Variants in SMU1 observed in about 807,000 individuals in gnomAD.
SMU1 encodes WD40 repeat-containing protein SMU1.
SMU1 carries 2 observed loss-of-function variants against 62.0 expected under a neutral mutation model. The ratio of observed to expected loss-of-function variants is 0.03; its 90% CI spans 0.01 to 0.10. The LOEUF is 0.10. SMU1 is among the 10% of genes least tolerant of loss of function. SMU1 has a pLI of 1.00. For synonymous variants in SMU1, 188 were observed against 212.4 expected (o/e 0.89, Z 1.00); for missense variants, 227 against 622.1 (o/e 0.36, Z 6.76).
chr9:33,045,239 T>A lies in SMU1; in HGVS notation c.*2054A>T, dbSNP rs1360853708. 2 of 152,218 alleles carry A rather than the reference T, an allele frequency of 1.3e-5. No homozygotes were observed. The highest frequency in any genetic ancestry group is 2.9e-5 in the Non-Finnish European group (2 of 68,040). 9.4% of individuals were successfully genotyped at this position (152,218 alleles called of 1,614,324 possible). ...GACTTTTCTAAAAATTTTTTTAGCATAAACTGTTTCCTCTAACTTAAACTT... is the reference window on the plus strand; with the variant it reads ...GACTTTTCTAAAAATTTTTTTAGCAAAAACTGTTTCCTCTAACTTAAACTT... On this transcript the variant is annotated 3_prime_UTR_variant, in exon 12 of 12. Transcript: ENST00000397149.
rs772979385 is a variant in SMU1, at chr9:33,076,624, G to A, written c.-16C>T. 1.3e-5 allele frequency: 21 copies of A among 1,613,854 alleles called. No homozygotes were observed. The highest frequency in any genetic ancestry group is 1.6e-4 in the Middle Eastern group (1 of 6,062). ...CGATCGACATAGCCGTATCTCTCCG[G>A]GAGCAGGCCCCAGCTCTCCCTCAAG... On this transcript the variant is annotated 5_prime_UTR_variant, in exon 1 of 12. Coordinates refer to ENST00000397149, the MANE Select transcript of SMU1 (RefSeq NM_018225.3).
At chr9:33,062,314 T>C in intron 4 of SMU1, 137 bp from the exon 5 acceptor site, 1 of 1,130,522 alleles carries the variant, frequency 8.8e-7, no homozygotes, top group Non-Finnish European at 1.2e-6. Flanking sequence ...TTTTTGGCCA[T>C]CCAAACATAA....
Position 33,057,010 on chromosome 9 carries a change from T to A in SMU1, c.868-46A>T, listed in dbSNP as rs111582564. On this transcript the variant is annotated intron_variant, in intron 7 of 11. Transcript: ENST00000397149. ...AGAATTAAAAAAACCTTGTTAAGTG[T>A]CCTACTATTAATAGCCCACAGAGCC... 52 of 1,582,582 alleles carry A rather than the reference T, an allele frequency of 3.3e-5. No individual in the cohort carries two copies. The African/African-American group carries it at 3.6e-4, about 11-fold the overall frequency.
intron 3 of SMU1, among the ~76,000 whole-genome samples, chr9:33,070,720 T>A (rs1474009380): frequency 1.3e-5 from 2 of 152,168 alleles, no homozygotes. Flanking sequence ...ATCCTGTCAT[T>A]TGCAACAACA....
chr9:33,075,376 C>CAA (rs540489141), intron 1 of SMU1, among the ~76,000 whole-genome samples: 2 of 136,942 alleles, frequency 1.5e-5, no homozygotes, highest in African/African-American at 5.3e-5. Flanking sequence ...GACTCCGTCT[C>CAA]AAAAAAAAAA....
intron 3 of SMU1, 56 bp from the exon 4 acceptor site, chr9:33,068,990 G>T: frequency 6.3e-7 from 1 of 1,578,820 alleles, no homozygotes. Flanking sequence ...AGATATGAGT[G>T]TGCTTATTTA....
chr9:33,057,009 G>A, intron 7 of SMU1, 45 bp from the exon 8 acceptor site: 1 of 1,580,114 alleles, frequency 6.3e-7, no homozygotes, highest in South Asian at 1.2e-5. Flanking sequence ...CTTGTTAAGT[G>A]TCCTACTATT....
At chr9:33,066,691 A>T (rs1343394578) in intron 4 of SMU1, among the ~76,000 whole-genome samples, 1 of 152,042 alleles carries the variant, frequency 6.6e-6, no homozygotes, top group Non-Finnish European at 1.5e-5. Context: ...CTGTGGTCCC[A>T]GCTACTCGGG....
At chr9:33,051,118 C>A in intron 10 of SMU1, among the ~76,000 whole-genome samples, 1 of 60,832 alleles carries the variant, frequency 1.6e-5, no homozygotes, top group South Asian at 3.3e-4. Context: ...GAGACTCTGT[C>A]TCAAAAAAAA....
At chr9:33,058,463 C>T (rs78249672) in intron 6 of SMU1, among the ~76,000 whole-genome samples, 6,131 of 152,114 alleles carry the variant, frequency 0.04, 193 homozygotes, top group East Asian at 0.13. Flanking sequence ...ATTACAGGTC[C>T]GCACCAAAAC....
chr9:33,048,381 T>A, intron 10 of SMU1, 123 bp from the exon 11 acceptor site: 1 of 1,201,146 alleles, frequency 8.3e-7, no homozygotes, highest in Non-Finnish European at 1.2e-6. Flanking sequence ...CATTTGTAAT[T>A]AGATCTCCAG....
At position 33,043,165 on chromosome 9, in the gene SMU1, A is replaced by G. The variant is rs932998722; in HGVS notation, c.*4128T>C. On this transcript the variant is annotated 3_prime_UTR_variant, in exon 12 of 12. Transcript: ENST00000397149. ...AGTTTTAAACAACCTCAGACCAGGG[A>G]ACTTCCTCACTTGGACATACACTTC... The G allele has an allele frequency of 6.6e-6, 1 of 152,180 alleles. No homozygotes were observed. The highest frequency in any genetic ancestry group is 2.4e-5 in the African/African-American group (1 of 41,440). The allele number at this position is 152,180 out of a possible 1,614,324, so 9.4% of individuals were successfully genotyped here. A position where few individuals can be genotyped will look rare whatever the true frequency, so the allele number is the denominator to read the frequency against.
chr9:33,048,066 T>C (rs1341927648), intron 11 of SMU1, 40 bp downstream of exon 11: 1 of 1,594,518 alleles, frequency 6.3e-7, no homozygotes, highest in Non-Finnish European at 8.6e-7. Context: ...ACACAAGTCC[T>C]ACCATATTTC....
chr9:33,053,022 T>C, intron 10 of SMU1, 101 bp downstream of exon 10: 1 of 1,014,884 alleles, frequency 9.9e-7, no homozygotes, highest in Non-Finnish European at 1.5e-6. Flanking sequence ...TACAGAGAAA[T>C]GAACCCAAAT....
intron 1 of SMU1, among the ~76,000 whole-genome samples, chr9:33,074,538 A>AGGTTGAGGCTGCAGTGAGCCG (rs1393031118): frequency 2.6e-5 from 4 of 152,232 alleles, no homozygotes; most frequent in Non-Finnish European, 4.4e-5. Flanking sequence ...TGTATCCATA[A>AGGTTGAGGCTGCAGTGAGCCG]GGTTGAGGCT....
At position 33,068,715 on chromosome 9, in the gene SMU1, G is replaced by A. The variant is rs1197806115; in HGVS notation, c.501+109C>T. 3 of 1,269,756 alleles carry A rather than the reference G, an allele frequency of 2.4e-6. No homozygotes were observed. In the African/African-American group the frequency reaches 4.5e-5, roughly 19 times the overall value. The allele number at this position is 1,269,756 out of a possible 1,614,324, so 78.7% of individuals were successfully genotyped here. Reference sequence around the variant, plus strand: ...AGACAGAGTCTCACAATGTTGCTTAGGCTGGTCTCCAACTACTAGGCTCAA... The same window carrying A: ...AGACAGAGTCTCACAATGTTGCTTAAGCTGGTCTCCAACTACTAGGCTCAA... On this transcript the variant is annotated intron_variant, in intron 4 of 11. Transcript: ENST00000397149.
At chr9:33,052,288 T>C (rs184196381) in intron 10 of SMU1, among the ~76,000 whole-genome samples, 168 of 147,306 alleles carry the variant, frequency 1.1e-3, no homozygotes, top group African/African-American at 3.8e-3. Flanking sequence ...ACAGGAACTC[T>C]TCTGTACTAT....
intron 9 of SMU1, 110 bp from the exon 10 acceptor site, chr9:33,053,400 G>A: frequency 8.7e-7 from 1 of 1,145,938 alleles, no homozygotes; most frequent in South Asian, 1.5e-5. Context: ...ATGATTCAGG[G>A]GAAAAAAGTT....
rs1444094623 is a variant in SMU1 at position 33,051,109 on chromosome 9, A to C, written c.1290+2014T>G. Among the ~76,000 whole-genome samples, 2 of 71,006 alleles carry C rather than the reference A, an allele frequency of 2.8e-5. 1 individual carries two copies. The highest frequency in any genetic ancestry group is 7.0e-5 in the Non-Finnish European group (2 of 28,606). 46.6% of individuals were successfully genotyped at this position (71,006 alleles called of 152,430 possible). ...GCACTCCAGCCTGGGCGACAGAGCGAGACTCTGTCTCAAAAAAAAAAAAAA... is the reference window on the plus strand; with the variant it reads ...GCACTCCAGCCTGGGCGACAGAGCGCGACTCTGTCTCAAAAAAAAAAAAAA... On this transcript the variant is annotated intron_variant, in intron 10 of 11. Transcript: ENST00000397149.
Sources: allele counts gnomAD v4.1 joint callset (sites outside exome capture counted in the v4.1 genomes callset), GRCh38; gene constraint gnomAD v4.1.1; transcripts MANE v1.5; gene names NCBI Gene and HGNC (gene_info 2026-07-23, HGNC 2026-07-21).